Variants in ENOX1 observed in about 807,000 individuals in gnomAD.
ENOX1 encodes the protein ecto-NOX disulfide-thiol exchanger 1.
ENOX1 carries 42 observed loss-of-function variants against 82.5 expected under a neutral mutation model. The observed-to-expected ratio is 0.51, with a 90% CI of 0.40 to 0.66. The LOEUF (loss-of-function observed/expected upper bound fraction) is 0.66, where lower values mean the gene tolerates loss of function less well. Ranked by LOEUF, ENOX1 falls within the 30% of genes least tolerant of loss-of-function variation. The pLI is 0.00. For synonymous variants in ENOX1, 271 were observed against 282.2 expected, an observed-to-expected ratio of 0.96 and a Z score of 0.40; for missense variants, 608 against 811.6, an observed-to-expected ratio of 0.75 and a Z score of 3.05.
intron 12 of ENOX1, among the ~76,000 whole-genome samples, chr13:43,276,298 T>C (rs916102477): frequency 6.6e-6 from 1 of 152,128 alleles, no homozygotes; most frequent in African/African-American, 2.4e-5. Context: ...CCCATGAGTG[T>C]CCCGCCCCAT....
chr13:43,281,342 T>C (rs1448955430), intron 12 of ENOX1, among the ~76,000 whole-genome samples: 1 of 152,112 alleles, frequency 6.6e-6, no homozygotes, highest in Non-Finnish European at 1.5e-5. Flanking sequence ...GACTCCAAAG[T>C]GTAGAAAATT....
At chr13:43,767,093 A>T (rs1951322235) in intron 1 of ENOX1, among the ~76,000 whole-genome samples, 1 of 152,216 alleles carries the variant, frequency 6.6e-6, no homozygotes, top group South Asian at 2.1e-4. Flanking sequence ...CACATGAAGG[A>T]TACGATATGA....
At chr13:43,571,274 C>T (rs2080166017) in intron 2 of ENOX1, among the ~76,000 whole-genome samples, 1 of 152,146 alleles carries the variant, frequency 6.6e-6, no homozygotes, top group African/African-American at 2.4e-5. Context: ...TTCGGTCATG[C>T]TGGTAATAAA....
chr13:43,745,243 T>C (rs1234144440), intron 1 of ENOX1, among the ~76,000 whole-genome samples: 2 of 152,158 alleles, frequency 1.3e-5, no homozygotes, highest in Non-Finnish European at 2.9e-5. Flanking sequence ...ACAACAAAAA[T>C]GCCAACTGAA....
chr13:43,305,965 C>A (rs1460704442), intron 11 of ENOX1, among the ~76,000 whole-genome samples: 1 of 152,214 alleles, frequency 6.6e-6, no homozygotes, highest in Non-Finnish European at 1.5e-5. Context: ...CCCTGCCCAG[C>A]CTGGCCTGCG....
At chr13:43,437,802 A>C (rs1445572821) in intron 3 of ENOX1, among the ~76,000 whole-genome samples, 1 of 152,146 alleles carries the variant, frequency 6.6e-6, no homozygotes, top group Non-Finnish European at 1.5e-5. Flanking sequence ...CAAGAAACTC[A>C]CTCCAAAGAA....
intron 2 of ENOX1, among the ~76,000 whole-genome samples, chr13:43,557,283 G>A (rs1015072585): frequency 1.3e-5 from 2 of 152,170 alleles, no homozygotes; most frequent in Non-Finnish European, 1.5e-5. Context: ...TTCATGTATG[G>A]CCAGAAGGTG....
At chr13:43,328,637 G>A (rs570497071) in intron 9 of ENOX1, among the ~76,000 whole-genome samples, 4 of 152,324 alleles carry the variant, frequency 2.6e-5, no homozygotes, top group African/African-American at 4.8e-5. Flanking sequence ...TAATGCACCT[G>A]GAGGAGTACA....
intron 9 of ENOX1, among the ~76,000 whole-genome samples, chr13:43,327,875 C>G (rs1566523508): frequency 1.3e-5 from 2 of 152,184 alleles, no homozygotes; most frequent in Admixed American, 6.5e-5. Flanking sequence ...TGATGAACAA[C>G]TACTTCTCAA....
intron 1 of ENOX1, among the ~76,000 whole-genome samples, chr13:43,778,232 C>G (rs1320260300): frequency 6.6e-6 from 1 of 152,220 alleles, no homozygotes; most frequent in Admixed American, 6.5e-5. Context: ...TATCTTCTAA[C>G]AAGCTTCAAC....
At chr13:43,307,352 G>A in intron 11 of ENOX1, among the ~76,000 whole-genome samples, 1 of 152,134 alleles carries the variant, frequency 6.6e-6, no homozygotes, top group African/African-American at 2.4e-5. Flanking sequence ...GAGAAACCTG[G>A]GACTCATCCC....
At chr13:43,521,238 A>G (rs1469041387) in intron 2 of ENOX1, among the ~76,000 whole-genome samples, 5 of 152,160 alleles carry the variant, frequency 3.3e-5, no homozygotes, top group Admixed American at 6.5e-5. Context: ...TTATGAATAT[A>G]TTATTAAAAA....
intron 5 of ENOX1, among the ~76,000 whole-genome samples, chr13:43,390,628 T>TATCCCCTGA (rs1459058352): frequency 6.6e-6 from 1 of 152,164 alleles, no homozygotes; most frequent in Non-Finnish European, 1.5e-5. Flanking sequence ...CTTTTTATAT[T>TATCCCCTGA]ATCCCCTGAA....
chr13:43,520,219 G>C (rs563840266), intron 2 of ENOX1, among the ~76,000 whole-genome samples: 1 of 152,098 alleles, frequency 6.6e-6, no homozygotes, highest in South Asian at 2.1e-4. Context: ...CATGACCCTG[G>C]ATAGTACCCA....
intron 2 of ENOX1, among the ~76,000 whole-genome samples, chr13:43,503,400 T>C (rs897681590): frequency 6.6e-6 from 1 of 151,696 alleles, no homozygotes. Flanking sequence ...AAAACGTATA[T>C]GAAACCATAA....
chr13:43,690,613 T>C (rs2086304939), intron 1 of ENOX1, among the ~76,000 whole-genome samples: 2 of 152,198 alleles, frequency 1.3e-5, no homozygotes, highest in Admixed American at 1.3e-4. Flanking sequence ...TCGTTTGATT[T>C]GAAAGAGACC....
At chr13:43,503,159 G>C (rs1007312718) in intron 2 of ENOX1, among the ~76,000 whole-genome samples, 1 of 151,388 alleles carries the variant, frequency 6.6e-6, no homozygotes, top group Non-Finnish European at 1.5e-5. Context: ...TCTTTACCAA[G>C]GAGGTGAAAG....
At chr13:43,725,835 T>C (rs1594583520) in intron 1 of ENOX1, among the ~76,000 whole-genome samples, 1 of 149,606 alleles carries the variant, frequency 6.7e-6, no homozygotes, top group Admixed American at 6.7e-5. Flanking sequence ...GGCATGGTGG[T>C]ACATACCTGT....
chr13:43,405,148 G>A (rs938359203), intron 5 of ENOX1, among the ~76,000 whole-genome samples: 7 of 152,230 alleles, frequency 4.6e-5, no homozygotes, highest in Non-Finnish European at 8.8e-5. Flanking sequence ...AAGCTGAAGA[G>A]ACAGTTTCAG....
Sources: allele counts gnomAD v4.1 joint callset (sites outside exome capture counted in the v4.1 genomes callset), GRCh38; gene constraint gnomAD v4.1.1; transcripts MANE v1.5; gene names NCBI Gene and HGNC (gene_info 2026-07-23, HGNC 2026-07-21).